AMBRA1: variants seen among roughly 807,000 people sequenced by gnomAD.
AMBRA1 encodes the protein activating molecule in BECN1-regulated autophagy protein 1.
AMBRA1 carries 47 observed loss-of-function variants against 125.4 expected under a neutral mutation model. That is an observed-to-expected ratio of 0.37 (90% confidence interval 0.30 to 0.48). AMBRA1 has a LOEUF of 0.48. Among genes scored for constraint, AMBRA1 ranks in the 20% least tolerant of loss-of-function variants. AMBRA1 has a pLI of 0.99. For missense variants in AMBRA1, 1,331 were observed against 1,693.4 expected, an observed-to-expected ratio of 0.79 and a Z score of 3.76; for synonymous variants, 626 against 655.5, an observed-to-expected ratio of 0.95 and a Z score of 0.69.
At chr11:46,549,477 T>C (rs961939470) in intron 1 of AMBRA1, among the ~76,000 whole-genome samples, 1 of 152,200 alleles carries the variant, frequency 6.6e-6, no homozygotes, top group African/African-American at 2.4e-5. Flanking sequence ...TTGAGGTTGG[T>C]GTTTTTTTTG....
intron 1 of AMBRA1, among the ~76,000 whole-genome samples, chr11:46,575,666 G>A (rs971155238): frequency 6.6e-6 from 1 of 151,776 alleles, no homozygotes; most frequent in African/African-American, 2.4e-5. Flanking sequence ...ACAAGTGCAC[G>A]CCACCACGCC....
At chr11:46,455,039 AC>A (rs1948791608) in intron 11 of AMBRA1, among the ~76,000 whole-genome samples, 1 of 151,794 alleles carries the variant, frequency 6.6e-6, no homozygotes, top group East Asian at 1.9e-4. Context: ...GCCACCCCAC[AC>A]CCAGCTAATT....
chr11:46,467,492 C>A (rs556701327), intron 11 of AMBRA1, among the ~76,000 whole-genome samples: 68 of 151,126 alleles, frequency 4.5e-4, no homozygotes, highest in African/African-American at 1.6e-3. Flanking sequence ...TTCCCATTCT[C>A]TTTTTACAAT....
chr11:46,494,015 C>T (rs529426504), intron 10 of AMBRA1, 109 bp downstream of exon 10: 25 of 1,103,792 alleles, frequency 2.3e-5, no homozygotes. Flanking sequence ...TATGGGCCCA[C>T]TAGGAAACAA....
At chr11:46,536,469 AC>A (rs1952483078) in intron 7 of AMBRA1, among the ~76,000 whole-genome samples, 1 of 151,846 alleles carries the variant, frequency 6.6e-6, no homozygotes, top group African/African-American at 2.4e-5. Context: ...ATCCAAAGAA[AC>A]TGGGAGAGAT....
chr11:46,424,841 A>T (rs901915759), intron 14 of AMBRA1, among the ~76,000 whole-genome samples: 2 of 152,092 alleles, frequency 1.3e-5, no homozygotes, highest in South Asian at 2.1e-4. Flanking sequence ...CTTAAAAAAA[A>T]TTTTAAACAA....
At chr11:46,520,952 G>C (rs1951737044) in intron 7 of AMBRA1, among the ~76,000 whole-genome samples, 1 of 152,024 alleles carries the variant, frequency 6.6e-6, no homozygotes, top group Non-Finnish European at 1.5e-5. Context: ...AAGTCACCCA[G>C]TAACTTATGT....
chr11:46,526,193 C>T lies in AMBRA1; in HGVS notation c.2073-13380G>A, dbSNP rs572252070. 4.6e-4 allele frequency among the ~76,000 whole-genome samples: 69 copies of T among 151,508 alleles called. No individual in the cohort carries two copies. The South Asian group carries it at 0.013, about 29-fold the overall frequency. On this transcript the variant is annotated intron_variant, in intron 7 of 17. Coordinates refer to ENST00000683756, the MANE Select transcript of AMBRA1 (RefSeq NM_001387011.1). The stretch of plus-strand genomic sequence containing the variant: ...TGCACTCCAGTCTGGGCAACAAGAG[C>T]GAAACATCGGCTCAAAAATAAATAA...
At chr11:46,535,317 A>G (rs1461480687) in intron 7 of AMBRA1, among the ~76,000 whole-genome samples, 1 of 152,206 alleles carries the variant, frequency 6.6e-6, no homozygotes. Flanking sequence ...AATTAGAGGT[A>G]AAGCAAAACT....
chr11:46,497,792 G>A (rs1950690308), intron 9 of AMBRA1, among the ~76,000 whole-genome samples: 1 of 152,110 alleles, frequency 6.6e-6, no homozygotes, highest in African/African-American at 2.4e-5. Context: ...TGGACCAAAG[G>A]CACAGTTCCA....
At chr11:46,443,725 G>C (rs369133624) in intron 11 of AMBRA1, 127 bp from the exon 12 acceptor site, 5 of 744,510 alleles carry the variant, frequency 6.7e-6, no homozygotes, top group East Asian at 2.7e-5. Flanking sequence ...GCTGAAGAAA[G>C]CTAATGAGTC....
At chr11:46,540,882 T>C (rs935459019) in intron 7 of AMBRA1, among the ~76,000 whole-genome samples, 5 of 152,188 alleles carry the variant, frequency 3.3e-5, no homozygotes, top group African/African-American at 1.2e-4. Context: ...TTTCCCACAG[T>C]GCCTAGCACA....
At chr11:46,455,297 A>C (rs1948802770) in intron 11 of AMBRA1, among the ~76,000 whole-genome samples, 1 of 152,094 alleles carries the variant, frequency 6.6e-6, no homozygotes, top group Non-Finnish European at 1.5e-5. Flanking sequence ...TGTATGTAAC[A>C]AATCTCAAGC....
At chr11:46,444,683 C>T (rs183309060) in intron 11 of AMBRA1, among the ~76,000 whole-genome samples, 260 of 152,296 alleles carry the variant, frequency 1.7e-3, no homozygotes, top group African/African-American at 5.9e-3. Context: ...AGTCTTCCTC[C>T]TCTGCACATC....
intron 1 of AMBRA1, among the ~76,000 whole-genome samples, chr11:46,581,608 AAAAT>A (rs919252799): frequency 1.3e-5 from 2 of 151,904 alleles, no homozygotes; most frequent in Non-Finnish European, 2.9e-5. Context: ...TTCCTCTCAA[AAAAT>A]AAATAAATAA....
intron 7 of AMBRA1, among the ~76,000 whole-genome samples, chr11:46,529,042 T>C (rs1311673301): frequency 2.6e-5 from 4 of 152,234 alleles, no homozygotes; most frequent in Non-Finnish European, 4.4e-5. Context: ...CTCTGATTCC[T>C]TTATTATTAC....
intron 14 of AMBRA1, chr11:46,428,576 T>TCTA: frequency 9.7e-7 from 1 of 1,027,450 alleles, no homozygotes; most frequent in Non-Finnish European, 1.4e-6. Context: ...CTTTTCCACT[T>TCTA]CTTCTTCTTC....
At chr11:46,495,614 G>A (rs1008498623) in intron 9 of AMBRA1, 4 of 152,206 alleles carry the variant, frequency 2.6e-5, no homozygotes, top group Non-Finnish European at 5.9e-5. Context: ...ATGTAAAAGG[G>A]GGGTTAAAGA....
chr11:46,468,087 G>A (rs1184605554), intron 11 of AMBRA1, among the ~76,000 whole-genome samples: 1 of 152,164 alleles, frequency 6.6e-6, no homozygotes, highest in African/African-American at 2.4e-5. Context: ...GATGGTGACA[G>A]GTATATTGGA....
Sources: allele counts gnomAD v4.1 joint callset (sites outside exome capture counted in the v4.1 genomes callset), GRCh38; gene constraint gnomAD v4.1.1; transcripts MANE v1.5; gene names NCBI Gene and HGNC (gene_info 2026-07-23, HGNC 2026-07-21).